Variants in SLC6A9 observed in about 807,000 individuals in gnomAD.
The protein encoded by SLC6A9 is solute carrier family 6 member 9.
Under a neutral mutation model 70.9 loss-of-function variants are expected in SLC6A9, and 31 were observed. The ratio of observed to expected loss-of-function variants is 0.44; its 90% confidence interval spans 0.33 to 0.59. The LOEUF is 0.59. Ranked by LOEUF, SLC6A9 falls within the 20% of genes least tolerant of loss-of-function variation. The pLI, the probability that SLC6A9 is intolerant of heterozygous loss-of-function variation, is 0.04. For missense variants in SLC6A9, 631 were observed against 845.2 expected (o/e 0.75, Z 3.14); for synonymous variants, 310 against 341.3 (o/e 0.91, Z 1.01).
chr1:44,020,176 C>T (rs936692102), intron 2 of SLC6A9, among the ~76,000 whole-genome samples: 5 of 152,204 alleles, frequency 3.3e-5, no homozygotes, highest in African/African-American at 7.2e-5. Flanking sequence ...GGCCCTGAGC[C>T]GGGATAGCAC....
chr1:44,019,464 T>TCC lies in SLC6A9; in HGVS notation c.30+4782_30+4783dup, dbSNP rs540881230. ...GGTCCCCAGACACACTCCCCTGACTTCCCATGGGCGCAGACTGAGGGCCAA... is the reference window on the plus strand; with the variant it reads ...GGTCCCCAGACACACTCCCCTGACTTCCCCCATGGGCGCAGACTGAGGGCCAA... On this transcript the variant is annotated intron_variant, in intron 2 of 13. Transcript: ENST00000372310. 1.9e-3 allele frequency among the ~76,000 whole-genome samples: 285 copies of TCC among 152,346 alleles called. 1 individual carries two copies. Among genetic ancestry groups the TCC allele is most frequent in the African/African-American group, 6.4e-3 (267 of 41,594 alleles).
At chr1:44,019,884 G>A (rs55859716) in intron 2 of SLC6A9, among the ~76,000 whole-genome samples, 2 of 152,010 alleles carry the variant, frequency 1.3e-5, no homozygotes, top group African/African-American at 4.8e-5. Flanking sequence ...TGCCGGGGAT[G>A]GGGGAGGGCT....
In SLC6A9 at chr1:44,002,653, C is replaced by T. The variant is rs750144580; in HGVS notation, c.724-7G>A. 3.7e-6 allele frequency: 6 copies of T among 1,613,990 alleles called. No homozygotes were observed. In the African/African-American group the frequency reaches 8.0e-5, roughly 22 times the overall value. ...TGGCCGTGAAGTACACCACCTGGCA[C>T]AAGAGGGCTCCATGGACTCTTCTGG... On this transcript the variant is annotated splice_polypyrimidine_tract_variant and splice_region_variant and intron_variant, in intron 6 of 13. Transcript: ENST00000372310. This position sits in a 1 kb window ranked among gnomAD's most constrained non-coding sequence, Gnocchi z 5.5.
rs66939562 is a variant in SLC6A9 at position 44,031,166 on chromosome 1, T to TCACACACACACACACA, written c.-86+124_-86+139dup. On this transcript the variant is annotated intron_variant, in intron 1 of 13. Coordinates refer to ENST00000372310, the MANE Select transcript of SLC6A9 (RefSeq NM_001024845.3). ...CACAGATGCCCGCATACATGCGCGA[T>TCACACACACACACACA]CACACACACACACACACACACACAC... is the stretch of plus-strand genomic sequence containing the variant. The TCACACACACACACACA allele has an allele frequency of 5.4e-5, 8 of 148,292 alleles. No individual in the cohort carries two copies. The East Asian group carries it at 1.4e-3, about 27-fold the overall frequency. The allele number at this position is 148,292 out of a possible 1,614,324, so 9.2% of individuals were successfully genotyped here. A position where few individuals can be genotyped will look rare whatever the true frequency, so the allele number is the denominator to read the frequency against.
chr1:44,006,586 CAAAAAAAAAAA>C (rs34759206), intron 5 of SLC6A9, among the ~76,000 whole-genome samples: 2 of 67,610 alleles, frequency 3.0e-5, no homozygotes, highest in African/African-American at 6.6e-5. Flanking sequence ...GATTCTGTCT[CAAAAAAAAAAA>C]AAAAAAAAAA....
chr1:44,024,641 A>T (rs2086948826), intron 1 of SLC6A9, among the ~76,000 whole-genome samples: 1 of 152,250 alleles, frequency 6.6e-6, no homozygotes, highest in African/African-American at 2.4e-5. Flanking sequence ...AAAAATGAAT[A>T]CCAAACTGGG....
intron 1 of SLC6A9, among the ~76,000 whole-genome samples, chr1:44,028,852 G>A (rs944540232): frequency 1.6e-4 from 25 of 152,164 alleles, no homozygotes; most frequent in African/African-American, 5.1e-4. Context: ...GGCCAAAAAT[G>A]AAGGGGCTCA....
intron 8 of SLC6A9, 101 bp from the exon 9 acceptor site, chr1:44,001,728 T>A (rs1455453051): frequency 5.9e-6 from 5 of 850,328 alleles, no homozygotes; most frequent in Non-Finnish European, 1.9e-6. Context: ...CACCCCCAAC[T>A]CTTTTTTTTT....
At chr1:44,022,918 C>T (rs2086914625) in intron 2 of SLC6A9, among the ~76,000 whole-genome samples, 2 of 152,034 alleles carry the variant, frequency 1.3e-5, no homozygotes, top group East Asian at 1.9e-4. Flanking sequence ...GTTGGTCAGG[C>T]TGGTCTCAAA....
intron 12 of SLC6A9, among the ~76,000 whole-genome samples, chr1:44,000,492 C>T (rs994808363): frequency 6.6e-6 from 1 of 152,196 alleles, no homozygotes; most frequent in Non-Finnish European, 1.5e-5. Flanking sequence ...CCTGAGTCCC[C>T]GGGGGTGCCA....
rs765311259 is a variant in SLC6A9, at chr1:43,997,670, A to G, written c.1777T>C (p.Tyr593His). Residue 593 changes from tyrosine to histidine, a missense_variant, in exon 14 of 14, where the codon TAC becomes CAC. Coordinates refer to ENST00000372310, the MANE Select transcript of SLC6A9 (RefSeq NM_001024845.3). The surrounding 1 kb of genome is among the most constrained non-coding windows in gnomAD (Gnocchi z 4.4). ...GGAGAGGGGGCTATGGTGGGGGCGT[A>G]GCGCCCTGTCCGGTGCTCCAGGAGG... is the stretch of plus-strand genomic sequence containing the variant. ...PALLEHRTGR[Y>H]APTIAPSPED... 6.2e-7 allele frequency: 1 copy of G among 1,613,666 alleles called. No individual in the cohort carries two copies. The highest frequency in any genetic ancestry group is 1.3e-5 in the African/African-American group (1 of 75,004).
At chr1:44,011,150 G>A (rs749076270) in intron 2 of SLC6A9, among the ~76,000 whole-genome samples, 3 of 152,196 alleles carry the variant, frequency 2.0e-5, no homozygotes, top group East Asian at 1.9e-4. Context: ...ACCAGCATCC[G>A]GGAGGCGGGA....
chr1:43,996,667 C>G lies in SLC6A9; in HGVS notation c.*878G>C, dbSNP rs2085872061. ...AGGGATTCAGACACTTCAGAAGGGG[C>G]TCCCACTCCAGAGAGGGGAGGGGCA... is the stretch of plus-strand genomic sequence containing the variant. On this transcript the variant is annotated 3_prime_UTR_variant, in exon 14 of 14. Transcript: ENST00000372310. The G allele has an allele frequency of 6.5e-6, 1 of 155,028 alleles. No homozygotes were observed. Among genetic ancestry groups the G allele is most frequent in the Non-Finnish European group, 1.4e-5 (1 of 69,922 alleles). The allele number at this position is 155,028 out of a possible 1,614,324, so 9.6% of individuals were successfully genotyped here. A position where few individuals can be genotyped will look rare whatever the true frequency, so the allele number is the denominator to read the frequency against.
chr1:44,014,241 T>C (rs1030969689), intron 2 of SLC6A9, among the ~76,000 whole-genome samples: 1 of 152,194 alleles, frequency 6.6e-6, no homozygotes, highest in Non-Finnish European at 1.5e-5. Context: ...GCAGGCTCCC[T>C]AGGCAGCCCC....
At chr1:44,027,765 C>A (rs1324876033) in intron 1 of SLC6A9, among the ~76,000 whole-genome samples, 1 of 152,186 alleles carries the variant, frequency 6.6e-6, no homozygotes, top group Non-Finnish European at 1.5e-5. Context: ...CACCTGAGGT[C>A]AGGAGTTCGA....
Position 44,008,692 on chromosome 1 carries a change from TTTTTTTTCTTTTCTTTTC to T in SLC6A9, c.320-87_320-70del, listed in dbSNP as rs1326511049. 1.9e-4 allele frequency: 233 copies of T among 1,251,104 alleles called. 1 individual carries two copies. In the African/African-American group the frequency reaches 3.8e-3, roughly 21 times the overall value. 77.5% of individuals were successfully genotyped at this position (1,251,104 alleles called of 1,614,324 possible). A position where few individuals can be genotyped will look rare whatever the true frequency, so the allele number is the denominator to read the frequency against. ...AGGAGGAGGTGAGGTTAATAATTTC[TTTTTTTTCTTTTCTTTTC>T]TTTTTTTTTTTTTGAGATGGAGTCT... On this transcript the variant is annotated intron_variant, in intron 4 of 13. Coordinates refer to ENST00000372310, the MANE Select transcript of SLC6A9 (RefSeq NM_001024845.3).
chr1:44,009,398 T>C (rs1271688979), intron 4 of SLC6A9, among the ~76,000 whole-genome samples: 3 of 152,078 alleles, frequency 2.0e-5, no homozygotes, highest in Non-Finnish European at 4.4e-5. Flanking sequence ...TTTGTTTTTG[T>C]ATTTTTAGTA....
rs1401197590 is a variant in SLC6A9, at chr1:44,013,898, C to T, written c.31-3016G>A. On this transcript the variant is annotated intron_variant, in intron 2 of 13. Transcript: ENST00000372310. The surrounding 1 kb of genome is among the most constrained non-coding windows in gnomAD (Gnocchi z 5.3). ...TTCAATACTGTATGGCTTTTTTTCT[C>T]CCTCCTTGCATAATCTTTCCTATTC... 1.3e-5 allele frequency among the ~76,000 whole-genome samples: 2 copies of T among 152,012 alleles called. No individual in the cohort carries two copies. Among genetic ancestry groups the T allele is most frequent in the Non-Finnish European group, 1.5e-5 (1 of 67,988 alleles).
intron 2 of SLC6A9, chr1:44,015,825 G>C: frequency 1.9e-5 from 19 of 984,488 alleles, no homozygotes; most frequent in Non-Finnish European, 2.3e-5. Flanking sequence ...GGATATGGGA[G>C]AGTCTGGGGC....
Sources: gnomAD v4.1 joint callset for allele counts (sites outside exome capture counted in the v4.1 genomes callset) on GRCh38, gnomAD v4.1.1 for gene constraint, Gnocchi (gnomAD v3.1) non-coding constraint, MANE v1.5 for transcripts, NCBI Gene and HGNC (gene_info 2026-07-23, HGNC 2026-07-21) for gene names.